L3MBTL1: variants seen among roughly 807,000 people sequenced by gnomAD.
The protein encoded by L3MBTL1 is L3MBTL histone methyl-lysine binding protein 1.
A neutral mutation model predicts 105.3 loss-of-function variants in L3MBTL1; 75 were observed. The observed-to-expected ratio is 0.71, with a 90% CI of 0.59 to 0.86. The LOEUF is 0.86. L3MBTL1 is among the 40% of genes least tolerant of loss of function. The pLI is 0.00. For synonymous variants in L3MBTL1, 452 were observed against 436.2 expected (o/e 1.04, Z -0.45); for missense variants, 1,069 against 1,126.4 (o/e 0.95, Z 0.73).
exon 19 of L3MBTL1, chr20:43,548,222 AACGCTGATG>A (rs1978758968): frequency 1.5e-6 from 2 of 1,304,190 alleles, no homozygotes; most frequent in Middle Eastern, 2.1e-4. Context: ...CATGTTCAAA[AACGCTGATG>A]ACACCTTAAA....
At chr20:43,548,820 T>C (rs1254023018) in exon 19 of L3MBTL1, 3 of 152,254 alleles carry the variant, frequency 2.0e-5, no homozygotes, top group Admixed American at 2.0e-4. Flanking sequence ...CCCTGAGATA[T>C]GTGAACCTCG....
intron 7 of L3MBTL1, 53 bp from the exon 8 acceptor site, chr20:43,528,604 A>G: frequency 1.4e-6 from 2 of 1,379,512 alleles, no homozygotes; most frequent in Non-Finnish European, 2.1e-6. Context: ...AGCCGAAGAA[A>G]GTCATATATC....
At chr20:43,547,523 T>C (rs1231428224) in intron 18 of L3MBTL1, among the ~76,000 whole-genome samples, 1 of 152,220 alleles carries the variant, frequency 6.6e-6, no homozygotes, top group East Asian at 1.9e-4. Context: ...GAAAGTTAGA[T>C]CCAAAGGCTG....
chr20:43,543,330 C>G (rs955618195), downstream of L3MBTL1, among the ~76,000 whole-genome samples: 2 of 152,190 alleles, frequency 1.3e-5, no homozygotes, highest in African/African-American at 2.4e-5. Flanking sequence ...CACGCTGTTT[C>G]AAACCTTTCT....
At chr20:43,548,334 A>C in exon 19 of L3MBTL1, 1 of 1,101,052 alleles carries the variant, frequency 9.1e-7, no homozygotes, top group Non-Finnish European at 1.2e-6. Context: ...CTCATACCCC[A>C]CACGTCCCCA....
At chr20:43,528,903 GC>G in intron 8 of L3MBTL1, 158 bp downstream of exon 8, 2 of 651,736 alleles carry the variant, frequency 3.1e-6, no homozygotes, top group Non-Finnish European at 2.7e-6. Flanking sequence ...GTGGAAAAGG[GC>G]CCCCCATAAG....
At chr20:43,540,354 C>T in intron 20 of L3MBTL1, 46 bp downstream of exon 20, 1 of 1,600,334 alleles carries the variant, frequency 6.2e-7, no homozygotes, top group Non-Finnish European at 8.5e-7. Flanking sequence ...CTCTCCTCCT[C>T]CCTCTCACCA....
intron 13 of L3MBTL1, 115 bp from the exon 14 acceptor site, chr20:43,533,893 G>A (rs2019467887): frequency 1.3e-6 from 1 of 763,088 alleles, no homozygotes; most frequent in African/African-American, 1.7e-5. Context: ...GTGATGGTGG[G>A]AGAGATTCTA....
In L3MBTL1 at chr20:43,530,379, C is replaced by T. The variant is rs1302858549; in HGVS notation, c.1152C>T (p.Gly384=). 7.4e-6 allele frequency: 12 copies of T among 1,614,064 alleles called. No individual in the cohort carries two copies. The highest frequency in any genetic ancestry group is 9.3e-6 in the Non-Finnish European group (11 of 1,180,030). ...ACTCCCCTGACATTCACCCTGCTGG[C>T]TGGTTCGAGAAGACGGGCCACAAGC... ...NANSPDIHPA[G]WFEKTGHKLQ... Residue 384 remains glycine (G), a synonymous_variant, in exon 10 of 22, where the codon GGC becomes GGT. Transcript: ENST00000418998.
In L3MBTL1 at chr20:43,509,053, C is replaced by G. The variant is rs148654524; in HGVS notation, c.-29+1309C>G. ...ACCAGAAACCCAGACTCTTCTGAGT[C>G]CCCCCTCACTTCATGGCAGACTCCT... is the stretch of plus-strand genomic sequence containing the variant. On this transcript the variant is annotated intron_variant, in intron 1 of 21. Transcript: ENST00000418998. 8.9e-3 allele frequency among the ~76,000 whole-genome samples: 1,349 copies of G among 152,272 alleles called. 11 individuals carry two copies. The highest frequency in any genetic ancestry group is 0.023 in the South Asian group (109 of 4,826).
At position 43,530,785 on chromosome 20, in the gene L3MBTL1, T is replaced by C; in HGVS notation, c.1193-13T>C. 1.2e-6 allele frequency: 2 copies of C among 1,613,472 alleles called. No homozygotes were observed. Among genetic ancestry groups the C allele is most frequent in the Non-Finnish European group, 1.7e-6 (2 of 1,179,700 alleles). ...CTGCACGGCGCTCTGTTCATGCCCCTCGAGGGGCCTAGGTTACAAGGAGGA... is the reference window on the plus strand; with the variant it reads ...CTGCACGGCGCTCTGTTCATGCCCCCCGAGGGGCCTAGGTTACAAGGAGGA... On this transcript the variant is annotated splice_polypyrimidine_tract_variant and intron_variant, in intron 10 of 21. Coordinates refer to ENST00000418998, the MANE Select transcript of L3MBTL1 (RefSeq NM_001377303.1).
intron 1 of L3MBTL1, among the ~76,000 whole-genome samples, chr20:43,510,201 G>A (rs761700109): frequency 1.3e-5 from 2 of 151,860 alleles, no homozygotes; most frequent in Non-Finnish European, 2.9e-5. Context: ...GTTTCACCAT[G>A]TTGCCCAGGC....
At chr20:43,528,864 G>C in intron 8 of L3MBTL1, 119 bp downstream of exon 8, 1 of 783,164 alleles carries the variant, frequency 1.3e-6, no homozygotes, top group Non-Finnish European at 2.2e-6. Context: ...TGGCAGAATG[G>C]AAAGGGAGAG....
rs995489605 is a variant in L3MBTL1, at chr20:43,530,940, C to T, written c.1284+51C>T. On this transcript the variant is annotated intron_variant, in intron 11 of 21. Coordinates refer to ENST00000418998, the MANE Select transcript of L3MBTL1 (RefSeq NM_001377303.1). ...TGTCACTCCCATGTGCCAGAGTTCA[C>T]TGCAGCTGGCCCAGGGTATCTGACT... 4.8e-6 allele frequency: 7 copies of T among 1,466,464 alleles called. No individual in the cohort carries two copies. The Admixed American group carries it at 5.5e-5, about 12-fold the overall frequency. 90.8% of individuals were successfully genotyped at this position (1,466,464 alleles called of 1,614,324 possible).
intron 7 of L3MBTL1, among the ~76,000 whole-genome samples, chr20:43,516,687 A>C (rs1388243465): frequency 6.6e-6 from 1 of 152,206 alleles, no homozygotes; most frequent in Non-Finnish European, 1.5e-5. Context: ...CATACTTGTA[A>C]TCACATAGAT....
At chr20:43,540,127 C>A in intron 19 of L3MBTL1, 24 bp from the exon 20 acceptor site, 1 of 1,608,426 alleles carries the variant, frequency 6.2e-7, no homozygotes. Context: ...CGTTGGCCTG[C>A]CAGCCTCTGC....
exon 19 of L3MBTL1, chr20:43,549,508 C>T (rs1320626295): frequency 6.6e-6 from 1 of 152,224 alleles, no homozygotes; most frequent in African/African-American, 2.4e-5. Context: ...CTGGGACTTC[C>T]ACTTCTCAGT....
intron 11 of L3MBTL1, chr20:43,532,204 C>G (rs2019373405): frequency 6.6e-6 from 1 of 152,372 alleles, no homozygotes. Context: ...ACAACGAATG[C>G]CGACTTTTAA....
At chr20:43,522,094 C>T (rs1370699462) in intron 7 of L3MBTL1, among the ~76,000 whole-genome samples, 4 of 152,302 alleles carry the variant, frequency 2.6e-5, no homozygotes, top group Middle Eastern at 3.4e-3. Flanking sequence ...CAGTGGCTCA[C>T]GCCTATAATC....
Sources: allele counts gnomAD v4.1 joint callset (sites outside exome capture counted in the v4.1 genomes callset), GRCh38; gene constraint gnomAD v4.1.1; transcripts MANE v1.5; gene names NCBI Gene and HGNC (gene_info 2026-07-23, HGNC 2026-07-21).